The following ACSS3 variants were observed in gnomAD, a reference collection of about 807,000 sequenced individuals.
ACSS3 encodes the protein acyl-CoA synthetase short-chain family member 3, mitochondrial.
ACSS3 carries 64 observed loss-of-function variants against 84.2 expected under a neutral mutation model. The observed-to-expected ratio is 0.76, with a 90% CI of 0.62 to 0.94. The LOEUF (loss-of-function observed/expected upper bound fraction) is 0.94, where lower values mean the gene tolerates loss of function less well. ACSS3 is among the 40% of genes least tolerant of loss of function. The pLI, the probability that ACSS3 is intolerant of heterozygous loss-of-function variation, is 0.00. For synonymous variants in ACSS3, 317 were observed against 310.1 expected, an observed-to-expected ratio of 1.02 and a Z score of -0.23; for missense variants, 815 against 867.6, an observed-to-expected ratio of 0.94 and a Z score of 0.76.
chr12:81,130,653 T>C (rs1490727949), intron 2 of ACSS3, among the ~76,000 whole-genome samples: 1 of 152,222 alleles, frequency 6.6e-6, no homozygotes, highest in Non-Finnish European at 1.5e-5. Context: ...TTGTCTATTT[T>C]GGCTTTTGTT....
rs549983234 is a variant in ACSS3, at chr12:81,205,001, A to G, written c.1354+5557A>G. Among the ~76,000 whole-genome samples the G allele has an allele frequency of 3.9e-5, 6 of 152,260 alleles. No individual in the cohort carries two copies. In the East Asian group the frequency reaches 1.2e-3, roughly 29 times the overall value. ...GTTTGATCTTACTTTATCTGCCTTGAGCCATCTTTGTGGAGTTCTTCTATC... is the reference window on the plus strand; with the variant it reads ...GTTTGATCTTACTTTATCTGCCTTGGGCCATCTTTGTGGAGTTCTTCTATC... On this transcript the variant is annotated intron_variant, in intron 9 of 15. Transcript: ENST00000548058.
At chr12:81,243,859 CTT>C (rs762807749) in intron 13 of ACSS3, among the ~76,000 whole-genome samples, 224 of 152,204 alleles carry the variant, frequency 1.5e-3, no homozygotes, top group Non-Finnish European at 1.4e-3. Flanking sequence ...TTTGAACAAA[CTT>C]ATCTGTGAGG....
In ACSS3 at chr12:81,260,473, G is replaced by A. The variant is rs1275494446; in HGVS notation, c.*5551G>A. ...TCCTGAAGAAATTATAATGCTATGTGTAGAATCTAATATAAACAGTATTTT... is the reference window on the plus strand; with the variant it reads ...TCCTGAAGAAATTATAATGCTATGTATAGAATCTAATATAAACAGTATTTT... On this transcript the variant is annotated 3_prime_UTR_variant, in exon 16 of 16. Transcript: ENST00000548058. 1.3e-5 allele frequency: 2 copies of A among 152,100 alleles called. No individual in the cohort carries two copies. Among genetic ancestry groups the A allele is most frequent in the Admixed American group, 6.6e-5 (1 of 15,242 alleles). The allele number at this position is 152,100 out of a possible 1,614,324, so 9.4% of individuals were successfully genotyped here. A position where few individuals can be genotyped will look rare whatever the true frequency, so the allele number is the denominator to read the frequency against.
intron 13 of ACSS3, among the ~76,000 whole-genome samples, chr12:81,237,410 A>G (rs907810580): frequency 2.0e-5 from 3 of 151,554 alleles, no homozygotes; most frequent in African/African-American, 7.3e-5. Context: ...TTAGAGGTTT[A>G]TTTCTCCATA....
At chr12:81,190,747 ATTAT>A (rs2031528951) in intron 8 of ACSS3, among the ~76,000 whole-genome samples, 1 of 151,948 alleles carries the variant, frequency 6.6e-6, no homozygotes, top group Non-Finnish European at 1.5e-5. Context: ...TTATTAATGT[ATTAT>A]TTGTTTGGAG....
chr12:81,096,623 C>A (rs994605670), intron 1 of ACSS3, among the ~76,000 whole-genome samples: 2 of 150,508 alleles, frequency 1.3e-5, no homozygotes, highest in African/African-American at 2.4e-5. Flanking sequence ...CCTCCCCTTG[C>A]CCCCCACCCC....
At chr12:81,252,255 T>TATC (rs2034177541) in intron 13 of ACSS3, among the ~76,000 whole-genome samples, 2 of 152,286 alleles carry the variant, frequency 1.3e-5, no homozygotes, top group South Asian at 4.1e-4. Flanking sequence ...CCAGAGCCCT[T>TATC]ATCACTTTTG....
At chr12:81,078,052 C>T (rs929367306), upstream of ACSS3, 6 of 1,424,028 alleles carry the variant, frequency 4.2e-6, no homozygotes, top group African/African-American at 8.7e-5. Flanking sequence ...TACTCCCTTC[C>T]CTCAGGCCCC....
At chr12:81,181,745 A>G (rs2030939039) in intron 8 of ACSS3, among the ~76,000 whole-genome samples, 1 of 131,196 alleles carries the variant, frequency 7.6e-6, no homozygotes, top group Non-Finnish European at 1.7e-5. Context: ...CAATCAATTA[A>G]GCAAAAAAAA....
At chr12:81,198,552 T>A (rs201592252) in intron 8 of ACSS3, among the ~76,000 whole-genome samples, 1 of 151,130 alleles carries the variant, frequency 6.6e-6, no homozygotes, top group South Asian at 2.1e-4. Flanking sequence ...CACACACACT[T>A]TTTATATATA....
intron 8 of ACSS3, among the ~76,000 whole-genome samples, chr12:81,175,967 C>T (rs2030442473): frequency 6.6e-6 from 1 of 152,038 alleles, no homozygotes; most frequent in South Asian, 2.1e-4. Context: ...GCGGACCATT[C>T]CCAAAGCTAG....
At chr12:81,253,195 C>A in intron 13 of ACSS3, 112 bp from the exon 14 acceptor site, 1 of 1,185,082 alleles carries the variant, frequency 8.4e-7, no homozygotes, top group Non-Finnish European at 1.2e-6. Flanking sequence ...ACTTTTTTCC[C>A]CAACTGAAAT....
chr12:81,202,680 G>A (rs2032163590), intron 9 of ACSS3, among the ~76,000 whole-genome samples: 1 of 152,044 alleles, frequency 6.6e-6, no homozygotes, highest in Non-Finnish European at 1.5e-5. Flanking sequence ...ATTCATATGT[G>A]TATGAATAAT....
chr12:81,228,481 C>A (rs765975406), intron 11 of ACSS3, among the ~76,000 whole-genome samples: 4 of 151,716 alleles, frequency 2.6e-5, no homozygotes, highest in Non-Finnish European at 5.9e-5. Flanking sequence ...TTCTGGGAGA[C>A]GACGTATGCT....
At chr12:81,084,842 A>T (rs1351087544) in intron 1 of ACSS3, among the ~76,000 whole-genome samples, 1 of 152,200 alleles carries the variant, frequency 6.6e-6, no homozygotes, top group Admixed American at 6.5e-5. Flanking sequence ...TGACTCAGAG[A>T]TTCTTGATGA....
intron 11 of ACSS3, among the ~76,000 whole-genome samples, chr12:81,228,538 T>A (rs1002457770): frequency 6.6e-6 from 1 of 151,848 alleles, no homozygotes; most frequent in Non-Finnish European, 1.5e-5. Context: ...TTCTCTCTAT[T>A]ACAAATTGCT....
intron 7 of ACSS3, among the ~76,000 whole-genome samples, chr12:81,154,796 G>A (rs1886781335): frequency 1.3e-5 from 2 of 152,202 alleles, no homozygotes; most frequent in South Asian, 4.1e-4. Flanking sequence ...CAGCCCTGCA[G>A]ACCATTCCTT....
intron 10 of ACSS3, among the ~76,000 whole-genome samples, chr12:81,218,343 G>A (rs1177622070): frequency 1.3e-5 from 2 of 152,112 alleles, no homozygotes; most frequent in Non-Finnish European, 2.9e-5. Flanking sequence ...AGCTTTGGGA[G>A]ACAAAATATG....
chr12:81,205,973 T>C (rs1274989364), intron 9 of ACSS3, among the ~76,000 whole-genome samples: 1 of 152,082 alleles, frequency 6.6e-6, no homozygotes, highest in Non-Finnish European at 1.5e-5. Context: ...AAGAGGCCCA[T>C]ATAGCTGATG....
Sources: gnomAD v4.1 joint callset for allele counts (sites outside exome capture counted in the v4.1 genomes callset) on GRCh38, gnomAD v4.1.1 for gene constraint, MANE v1.5 for transcripts, NCBI Gene and HGNC (gene_info 2026-07-23, HGNC 2026-07-21) for gene names.